Variants in GLI2 observed in about 807,000 individuals in gnomAD.
The protein encoded by GLI2 is GLI family zinc finger 2, also known as transcription activator GLI2.
A neutral mutation model predicts 78.9 loss-of-function variants in GLI2; 22 were observed. The observed-to-expected ratio is 0.28, with a 90% confidence interval of 0.20 to 0.40. The LOEUF (loss-of-function observed/expected upper bound fraction) is 0.40. Among genes scored for constraint, GLI2 ranks in the 10% least tolerant of loss-of-function variants. The pLI, the probability that GLI2 is intolerant of heterozygous loss-of-function variation, is 1.00. For synonymous variants in GLI2, 974 were observed against 963.7 expected, an observed-to-expected ratio of 1.01 and a Z score of -0.20; for missense variants, 2,097 against 2,213.2, an observed-to-expected ratio of 0.95 and a Z score of 1.05.
chr2:120,983,946 G>GGGGTGTGTGTGTGT (rs112474343), intron 11 of GLI2, among the ~76,000 whole-genome samples: 1 of 143,124 alleles, frequency 7.0e-6, no homozygotes, highest in South Asian at 2.3e-4. Flanking sequence ...TGGTGTGTGG[G>GGGGTGTGTGTGTGT]GTGTGTGTGT....
intron 2 of GLI2, among the ~76,000 whole-genome samples, chr2:120,803,841 G>A (rs764424725): frequency 1.3e-5 from 2 of 152,214 alleles, no homozygotes; most frequent in South Asian, 2.1e-4. Flanking sequence ...GTCATTGGGC[G>A]CAGTCCGTCC....
intron 1 of GLI2, among the ~76,000 whole-genome samples, chr2:120,752,824 C>G (rs544129663): frequency 6.6e-6 from 1 of 152,222 alleles, no homozygotes; most frequent in African/African-American, 2.4e-5. Flanking sequence ...TATTTTACAG[C>G]CTGTATTGGA....
At chr2:120,843,296 C>A (rs1313895615) in intron 2 of GLI2, among the ~76,000 whole-genome samples, 6 of 152,158 alleles carry the variant, frequency 3.9e-5, no homozygotes, top group Non-Finnish European at 1.5e-5. Flanking sequence ...AGTCACTTTC[C>A]CAAGATCCCA....
At chr2:120,850,708 A>T (rs536221249) in intron 2 of GLI2, among the ~76,000 whole-genome samples, 1 of 151,836 alleles carries the variant, frequency 6.6e-6, no homozygotes, top group Admixed American at 6.6e-5. Context: ...CAGGGGAGGG[A>T]CTCCAGAAGA....
rs570509416 is a variant in GLI2 at position 120,941,869 on chromosome 2, G to T, written c.255-9374G>T. 5.3e-5 allele frequency among the ~76,000 whole-genome samples: 8 copies of T among 152,294 alleles called. No homozygotes were observed. In the East Asian group the frequency reaches 1.5e-3, roughly 29 times the overall value. On this transcript the variant is annotated intron_variant, in intron 3 of 13. Transcript: ENST00000361492. ...GGGGCTGTGTGCTGGGTGGATTCTG[G>T]CTATGGGGAGTCAGTGACCATGAAA... is the stretch of plus-strand genomic sequence containing the variant.
intron 2 of GLI2, among the ~76,000 whole-genome samples, chr2:120,798,075 C>T (rs547519872): frequency 3.0e-4 from 45 of 152,286 alleles, no homozygotes; most frequent in South Asian, 6.2e-4. Context: ...GCGAGACCTC[C>T]GCTGTGTCTG....
At chr2:120,807,678 T>A (rs1347748321) in intron 2 of GLI2, among the ~76,000 whole-genome samples, 2 of 152,170 alleles carry the variant, frequency 1.3e-5, no homozygotes, top group Non-Finnish European at 2.9e-5. Context: ...AGGCTGGTTT[T>A]GTCAGCCCCT....
intron 1 of GLI2, among the ~76,000 whole-genome samples, chr2:120,749,720 A>G (rs1361663553): frequency 2.0e-5 from 3 of 152,222 alleles, no homozygotes; most frequent in Admixed American, 6.5e-5. Context: ...TTTTAGACTC[A>G]TTGACAGTCA....
chr2:120,837,263 G>A (rs6746621), intron 2 of GLI2, among the ~76,000 whole-genome samples: 30,345 of 151,706 alleles, frequency 0.2, 3,630 homozygotes, highest in African/African-American at 0.32. Context: ...GTGTGGTGGC[G>A]GGCGCCTGTA....
intron 2 of GLI2, among the ~76,000 whole-genome samples, chr2:120,915,497 C>T (rs1408044552): frequency 6.6e-6 from 1 of 152,174 alleles, no homozygotes; most frequent in Non-Finnish European, 1.5e-5. Flanking sequence ...AGGAGGGCCT[C>T]TGGAATTCTC....
At chr2:120,828,962 G>A (rs1686220641) in intron 2 of GLI2, among the ~76,000 whole-genome samples, 1 of 151,620 alleles carries the variant, frequency 6.6e-6, no homozygotes, top group Non-Finnish European at 1.5e-5. Flanking sequence ...AGGGCTCTTG[G>A]AAGAAACACA....
intron 3 of GLI2, among the ~76,000 whole-genome samples, chr2:120,935,314 C>T (rs1028155392): frequency 2.0e-5 from 3 of 152,216 alleles, no homozygotes; most frequent in Non-Finnish European, 4.4e-5. Flanking sequence ...ACCACTTCTT[C>T]AGAGCAACTG....
At chr2:120,905,220 G>T (rs1434797639) in intron 2 of GLI2, among the ~76,000 whole-genome samples, 1 of 152,156 alleles carries the variant, frequency 6.6e-6, no homozygotes, top group Non-Finnish European at 1.5e-5. Context: ...AAGAAGGGAG[G>T]GAGGGAGAGA....
chr2:120,789,449 G>A (rs909730127), intron 1 of GLI2, among the ~76,000 whole-genome samples: 2 of 151,946 alleles, frequency 1.3e-5, no homozygotes, highest in East Asian at 1.9e-4. Context: ...TGTGCTCTCC[G>A]GGCCAAGTTC....
chr2:120,906,808 C>T (rs1247258221), intron 2 of GLI2, among the ~76,000 whole-genome samples: 1 of 152,188 alleles, frequency 6.6e-6, no homozygotes, highest in African/African-American at 2.4e-5. Flanking sequence ...CTCCAGAATG[C>T]TTGACTCGCC....
intron 1 of GLI2, among the ~76,000 whole-genome samples, chr2:120,765,016 A>G (rs1475295235): frequency 6.6e-6 from 1 of 152,192 alleles, no homozygotes; most frequent in Non-Finnish European, 1.5e-5. Flanking sequence ...AGAGGTGGTC[A>G]TCACTCCTCT....
intron 2 of GLI2, among the ~76,000 whole-genome samples, chr2:120,913,210 G>A (rs1419895962): frequency 2.6e-5 from 4 of 152,292 alleles, no homozygotes; most frequent in South Asian, 2.1e-4. Context: ...TAATGATAAC[G>A]AGTTAGGCCT....
intron 1 of GLI2, among the ~76,000 whole-genome samples, chr2:120,765,738 C>T (rs1683348086): frequency 6.6e-6 from 1 of 152,228 alleles, no homozygotes; most frequent in Non-Finnish European, 1.5e-5. Context: ...CCCCCTTGGC[C>T]TAGCAAAGCT....
chr2:120,787,194 G>T lies in GLI2; in HGVS notation c.-30-10097G>T, dbSNP rs117519031. ...GGGTATTGGGGAACTAGCATTCCAG[G>T]CAGAGGAACCGCGTGATCAGAGTCA... On this transcript the variant is annotated intron_variant, in intron 1 of 13. Coordinates refer to ENST00000361492, the MANE Select transcript of GLI2 (RefSeq NM_001374353.1). Among the ~76,000 whole-genome samples, 317 of 152,276 alleles carry T rather than the reference G, an allele frequency of 2.1e-3. 3 individuals carry two copies. Among genetic ancestry groups the T allele is most frequent in the East Asian group, 0.011 (55 of 5,162 alleles).
Sources: allele counts gnomAD v4.1 joint callset (sites outside exome capture counted in the v4.1 genomes callset), GRCh38; gene constraint gnomAD v4.1.1; transcripts MANE v1.5; gene names NCBI Gene and HGNC (gene_info 2026-07-23, HGNC 2026-07-21).